Variants in NRXN1 observed in about 807,000 individuals in gnomAD.
NRXN1 encodes the protein neurexin-1.
In NRXN1, 39 loss-of-function variants were observed where a neutral mutation model predicts 150.9. The observed-to-expected ratio is 0.26, with a 90% confidence interval of 0.20 to 0.34. The LOEUF (loss-of-function observed/expected upper bound fraction) is 0.34, where lower values mean the gene tolerates loss of function less well. Among genes scored for constraint, NRXN1 ranks in the 10% least tolerant of loss-of-function variants. The probability of loss-of-function intolerance (pLI) is 1.00; values close to 1 mark genes in which losing one functional copy is unlikely to be tolerated. For missense variants in NRXN1, 1,815 were observed against 1,949.9 expected (o/e 0.93, Z 1.30); for synonymous variants, 924 against 757.0 (o/e 1.22, Z -3.62).
intron 19 of NRXN1, among the ~76,000 whole-genome samples, chr2:50,084,523 C>T (rs1016022380): frequency 2.0e-5 from 3 of 152,318 alleles, no homozygotes; most frequent in East Asian, 3.9e-4. Flanking sequence ...ACCAAGCCCA[C>T]GCTCACCAGG....
chr2:50,039,339 G>C (rs978733356), intron 21 of NRXN1, among the ~76,000 whole-genome samples: 11 of 152,094 alleles, frequency 7.2e-5, no homozygotes, highest in African/African-American at 2.7e-4. Context: ...GGTGGTGCAC[G>C]CCTATGGTCC....
chr2:50,484,732 A>G (rs1319935505), intron 15 of NRXN1, among the ~76,000 whole-genome samples: 1 of 152,208 alleles, frequency 6.6e-6, no homozygotes, highest in East Asian at 1.9e-4. Flanking sequence ...GAACCAATAT[A>G]TAGATGCTAT....
intron 5 of NRXN1, among the ~76,000 whole-genome samples, chr2:50,906,299 A>G (rs1227800289): frequency 6.6e-6 from 1 of 152,074 alleles, no homozygotes; most frequent in African/African-American, 2.4e-5. Flanking sequence ...CCTCATCTCT[A>G]CTTTCTCTTC....
intron 17 of NRXN1, among the ~76,000 whole-genome samples, chr2:50,239,662 GTATATATATATA>G (rs59505952): frequency 0.06 from 2,806 of 47,138 alleles, 107 homozygotes; most frequent in East Asian, 0.13. Context: ...ACCTATTCCA[GTATATATATATA>G]TATATATATA....
intron 2 of NRXN1, among the ~76,000 whole-genome samples, chr2:50,933,842 T>C (rs1227348024): frequency 6.6e-6 from 1 of 152,108 alleles, no homozygotes; most frequent in Non-Finnish European, 1.5e-5. Context: ...TTTGTAACCC[T>C]AATATAGCTT....
rs75022488 is a variant in NRXN1, at chr2:49,988,515, G to A, written c.4129-44724C>T. 2.1e-4 allele frequency among the ~76,000 whole-genome samples: 31 copies of A among 150,942 alleles called. No individual in the cohort carries two copies. In the East Asian group the frequency reaches 5.9e-3, roughly 29 times the overall value. Reference sequence around the variant, plus strand: ...TTTTACATTACCTAAACTCATGGCTGAATCACAAAGTACATGGCCAGAAGA... The same window carrying A: ...TTTTACATTACCTAAACTCATGGCTAAATCACAAAGTACATGGCCAGAAGA... On this transcript the variant is annotated intron_variant, in intron 21 of 22. Transcript: ENST00000401669.
At chr2:50,401,816 T>C (rs537168068) in intron 17 of NRXN1, among the ~76,000 whole-genome samples, 1 of 152,302 alleles carries the variant, frequency 6.6e-6, no homozygotes, top group African/African-American at 2.4e-5. Context: ...GTGATTTTCC[T>C]AACAGCTCTT....
intron 17 of NRXN1, among the ~76,000 whole-genome samples, chr2:50,307,868 A>G (rs2152959999): frequency 6.6e-6 from 1 of 152,356 alleles, no homozygotes; most frequent in East Asian, 1.9e-4. Context: ...GACAGGTTCC[A>G]GGTAATCAAT....
intron 17 of NRXN1, among the ~76,000 whole-genome samples, chr2:50,239,357 T>C (rs1227405998): frequency 6.6e-6 from 1 of 151,366 alleles, no homozygotes; most frequent in African/African-American, 2.4e-5. Flanking sequence ...ATAAGAAAAA[T>C]ATTCAAAACT....
At chr2:50,375,441 G>T (rs73930353) in intron 17 of NRXN1, among the ~76,000 whole-genome samples, 35,310 of 122,918 alleles carry the variant, frequency 0.29, 5,979 homozygotes, top group African/African-American at 0.51. Context: ...ACTTGCCAAA[G>T]ATTACACGGC....
intron 18 of NRXN1, among the ~76,000 whole-genome samples, chr2:50,173,925 A>G (rs746066169): frequency 2.6e-5 from 4 of 152,164 alleles, no homozygotes; most frequent in Non-Finnish European, 4.4e-5. Flanking sequence ...TCTGGGCTCT[A>G]AACTCTGACC....
intron 18 of NRXN1, among the ~76,000 whole-genome samples, chr2:50,101,657 A>C (rs1418130834): frequency 1.3e-5 from 2 of 152,010 alleles, no homozygotes; most frequent in Non-Finnish European, 1.5e-5. Context: ...AGACGTGAAA[A>C]CATATCAAGA....
At chr2:50,402,936 A>G (rs961249481) in intron 17 of NRXN1, among the ~76,000 whole-genome samples, 1 of 152,204 alleles carries the variant, frequency 6.6e-6, no homozygotes, top group African/African-American at 2.4e-5. Context: ...AATTACACAC[A>G]GTAAAGTGTA....
At chr2:50,638,927 C>T (rs1683629429) in intron 5 of NRXN1, among the ~76,000 whole-genome samples, 1 of 152,030 alleles carries the variant, frequency 6.6e-6, no homozygotes, top group African/African-American at 2.4e-5. Context: ...TATACAATAC[C>T]TCAGCTTTCT....
chr2:50,199,537 T>TACACACACACACACAC (rs67959182), intron 18 of NRXN1, among the ~76,000 whole-genome samples: 2 of 149,328 alleles, frequency 1.3e-5, no homozygotes, highest in African/African-American at 4.9e-5. Flanking sequence ...CTCTTTCTTA[T>TACACACACACACACAC]ACACACACAC....
chr2:50,657,823 A>G (rs1050500943), intron 5 of NRXN1, among the ~76,000 whole-genome samples: 3 of 152,038 alleles, frequency 2.0e-5, no homozygotes, highest in Admixed American at 2.0e-4. Context: ...AGCTGTTATT[A>G]TCCACAACTG....
chr2:49,946,223 G>A (rs1363724776), intron 21 of NRXN1, among the ~76,000 whole-genome samples: 1 of 152,028 alleles, frequency 6.6e-6, no homozygotes, highest in Non-Finnish European at 1.5e-5. Context: ...CCCACTTTTT[G>A]ATGGGGTTGT....
intron 12 of NRXN1, among the ~76,000 whole-genome samples, chr2:50,511,039 A>G (rs1449358260): frequency 6.6e-6 from 1 of 150,874 alleles, no homozygotes; most frequent in Admixed American, 6.7e-5. Flanking sequence ...AGGTCTCTAG[A>G]CTCTCAGTCT....
At chr2:50,449,622 T>G (rs2086774726) in intron 17 of NRXN1, among the ~76,000 whole-genome samples, 1 of 152,174 alleles carries the variant, frequency 6.6e-6, no homozygotes, top group Non-Finnish European at 1.5e-5. Flanking sequence ...CACATTAAAT[T>G]TCAACTTTTA....
Sources: gnomAD v4.1 joint callset for allele counts (sites outside exome capture counted in the v4.1 genomes callset) on GRCh38, gnomAD v4.1.1 for gene constraint, MANE v1.5 for transcripts, NCBI Gene and HGNC (gene_info 2026-07-23, HGNC 2026-07-21) for gene names.